Variants in CABCOCO1 observed in about 807,000 individuals in gnomAD.
CABCOCO1 encodes the protein ciliary associated calcium binding coiled-coil 1, also known as ciliary-associated calcium-binding coiled-coil protein 1.
CABCOCO1 carries 28 observed loss-of-function variants against 35.7 expected under a neutral mutation model. The ratio of observed to expected loss-of-function variants is 0.78; its 90% CI spans 0.58 to 1.07. The LOEUF (loss-of-function observed/expected upper bound fraction) is 1.07, where lower values mean the gene tolerates loss of function less well. Ranked by LOEUF, CABCOCO1 falls within the 50% of genes least tolerant of loss-of-function variation. The pLI, the probability that CABCOCO1 is intolerant of heterozygous loss-of-function variation, is 0.00. For missense variants in CABCOCO1, 326 were observed against 309.2 expected (o/e 1.05, Z -0.41); for synonymous variants, 95 against 100.1 (o/e 0.95, Z 0.30).
chr10:61,720,546 A>G (rs887385488), intron 5 of CABCOCO1, among the ~76,000 whole-genome samples: 18 of 149,806 alleles, frequency 1.2e-4, no homozygotes, highest in African/African-American at 4.4e-4. Flanking sequence ...TCCAAATAAA[A>G]ACGACAGGAA....
Position 61,707,505 on chromosome 10 carries a change from G to A in CABCOCO1, c.552+16884G>A, listed in dbSNP as rs145516488. On this transcript the variant is annotated intron_variant, in intron 5 of 7. Coordinates refer to ENST00000648843, the MANE Select transcript of CABCOCO1 (RefSeq NM_001366906.2). ...TCCAGAGGATACACTCCTCTTATCT[G>A]GGCATTCAGGAATCCCTTATTGGGG... is the stretch of plus-strand genomic sequence containing the variant. Among the ~76,000 whole-genome samples the A allele has an allele frequency of 5.4e-3, 829 of 152,194 alleles. 11 individuals are homozygous for A. The highest frequency in any genetic ancestry group is 0.019 in the African/African-American group (787 of 41,546).
chr10:61,739,259 C>T (rs1490396290), intron 5 of CABCOCO1, among the ~76,000 whole-genome samples: 4 of 152,138 alleles, frequency 2.6e-5, no homozygotes, highest in African/African-American at 9.7e-5. Flanking sequence ...TTGAGAATTG[C>T]TACCACTTGA....
chr10:61,745,024 A>G (rs1009603493), intron 5 of CABCOCO1, among the ~76,000 whole-genome samples: 9 of 152,154 alleles, frequency 5.9e-5, no homozygotes, highest in African/African-American at 1.2e-4. Context: ...CTGTGTATAC[A>G]GTCAGTAATG....
chr10:61,691,669 G>C (rs1276376172), intron 5 of CABCOCO1, among the ~76,000 whole-genome samples: 1 of 151,636 alleles, frequency 6.6e-6, no homozygotes, highest in Non-Finnish European at 1.5e-5. Context: ...ACAGGCCCCA[G>C]TGTGTGATGT....
At chr10:61,758,589 G>A (rs1445185259) in intron 5 of CABCOCO1, among the ~76,000 whole-genome samples, 1 of 152,018 alleles carries the variant, frequency 6.6e-6, no homozygotes, top group Non-Finnish European at 1.5e-5. Flanking sequence ...CTTGATAATA[G>A]CAATAATTTC....
At chr10:61,727,067 CA>C (rs145101295) in intron 5 of CABCOCO1, among the ~76,000 whole-genome samples, 19,842 of 151,312 alleles carry the variant, frequency 0.13, 1,523 homozygotes, top group African/African-American at 0.2. Flanking sequence ...GCCACATACA[CA>C]AAAAAAATGT....
intron 5 of CABCOCO1, among the ~76,000 whole-genome samples, chr10:61,705,651 G>A (rs1474569222): frequency 7.2e-5 from 11 of 152,178 alleles, no homozygotes. Flanking sequence ...CTTATAATCA[G>A]TGGATCAAGG....
chr10:61,717,260 G>A (rs918377925), intron 5 of CABCOCO1, among the ~76,000 whole-genome samples: 13 of 152,136 alleles, frequency 8.5e-5, no homozygotes, highest in Admixed American at 8.5e-4. Flanking sequence ...ACATACACAG[G>A]AAAGAACTTT....
intron 5 of CABCOCO1, among the ~76,000 whole-genome samples, chr10:61,736,353 G>A (rs769242650): frequency 6.6e-6 from 1 of 152,072 alleles, no homozygotes; most frequent in Non-Finnish European, 1.5e-5. Context: ...TCAATCTTCT[G>A]CATATGGCTA....
At chr10:61,747,956 T>C (rs1224674085) in intron 5 of CABCOCO1, among the ~76,000 whole-genome samples, 1 of 152,154 alleles carries the variant, frequency 6.6e-6, no homozygotes, top group Non-Finnish European at 1.5e-5. Context: ...TCTCATCAGA[T>C]AATAGGCTAT....
chr10:61,724,439 C>T (rs1312291916), intron 5 of CABCOCO1, among the ~76,000 whole-genome samples: 3 of 152,114 alleles, frequency 2.0e-5, no homozygotes, highest in African/African-American at 7.2e-5. Flanking sequence ...ATCATTGTAG[C>T]ACAATAAAGA....
intron 2 of CABCOCO1, among the ~76,000 whole-genome samples, chr10:61,676,798 A>G (rs891147709): frequency 3.3e-5 from 5 of 152,168 alleles, no homozygotes; most frequent in Admixed American, 3.3e-4. Context: ...GTGGTGGCTC[A>G]TGCCTTTAAA....
chr10:61,752,697 T>G (rs1236254108), intron 5 of CABCOCO1, among the ~76,000 whole-genome samples: 4 of 152,230 alleles, frequency 2.6e-5, no homozygotes, highest in Admixed American at 2.6e-4. Context: ...TTACTTAAAA[T>G]AGACATCTTG....
intron 5 of CABCOCO1, among the ~76,000 whole-genome samples, chr10:61,745,522 G>A (rs1353093336): frequency 6.6e-6 from 1 of 152,144 alleles, no homozygotes; most frequent in Non-Finnish European, 1.5e-5. Context: ...CCCAACTGTA[G>A]CCGTTTTTAT....
chr10:61,713,933 G>T (rs1173929640), intron 5 of CABCOCO1, among the ~76,000 whole-genome samples: 1 of 152,086 alleles, frequency 6.6e-6, no homozygotes, highest in Non-Finnish European at 1.5e-5. Context: ...TGAGGATTTT[G>T]CATCGATGTT....
rs1455049205 is a variant in CABCOCO1, at chr10:61,766,601, C to G, written c.*588C>G. On this transcript the variant is annotated 3_prime_UTR_variant, in exon 8 of 8. Transcript: ENST00000648843. ...AAATTATATAATGCAGTTTGAAGCA[C>G]TTTAATTTATTCTGTACTGTATTTG... is the stretch of plus-strand genomic sequence containing the variant. The G allele has an allele frequency of 6.6e-6, 1 of 151,354 alleles. No individual in the cohort carries two copies. Among genetic ancestry groups the G allele is most frequent in the Non-Finnish European group, 1.5e-5 (1 of 67,926 alleles). 9.4% of individuals were successfully genotyped at this position (151,354 alleles called of 1,614,324 possible).
chr10:61,677,453 G>T (rs968818300), intron 2 of CABCOCO1, among the ~76,000 whole-genome samples: 9 of 152,170 alleles, frequency 5.9e-5, no homozygotes, highest in Admixed American at 3.3e-4. Context: ...ATGTATGAAG[G>T]CTTCCTATTT....
rs533464250 is a variant in CABCOCO1, at chr10:61,724,153, T to C, written c.552+33532T>C. Among the ~76,000 whole-genome samples the C allele has an allele frequency of 7.9e-5, 12 of 152,110 alleles. No homozygotes were observed. The South Asian group carries it at 2.3e-3, about 29-fold the overall frequency. On this transcript the variant is annotated intron_variant, in intron 5 of 7. Transcript: ENST00000648843. ...AAACTATATACTTTCCTGAAAAAAATAAAGGAAGACTTTAACAAAAGAAGC... is the reference window on the plus strand; with the variant it reads ...AAACTATATACTTTCCTGAAAAAAACAAAGGAAGACTTTAACAAAAGAAGC...
intron 7 of CABCOCO1, among the ~76,000 whole-genome samples, chr10:61,764,408 A>G (rs753907876): frequency 2.8e-4 from 42 of 151,324 alleles, no homozygotes; most frequent in Non-Finnish European, 5.6e-4. Context: ...ACATTGGTGA[A>G]GTATATCACA....
Sources: gnomAD v4.1 joint callset for allele counts (sites outside exome capture counted in the v4.1 genomes callset) on GRCh38, gnomAD v4.1.1 for gene constraint, MANE v1.5 for transcripts, NCBI Gene and HGNC (gene_info 2026-07-23, HGNC 2026-07-21) for gene names.